The following TMEM248 variants were observed in gnomAD, a reference collection of about 807,000 sequenced individuals.
TMEM248 encodes the protein transmembrane protein 248.
TMEM248 carries 9 observed loss-of-function variants against 30.3 expected under a neutral mutation model. That is an observed-to-expected ratio of 0.30 (90% CI 0.18 to 0.52). The LOEUF (loss-of-function observed/expected upper bound fraction) is 0.52, where lower values mean the gene tolerates loss of function less well. Among genes scored for constraint, TMEM248 ranks in the 20% least tolerant of loss-of-function variants. The pLI is 0.97. For missense variants in TMEM248, 338 were observed against 403.3 expected (o/e 0.84, Z 1.39); for synonymous variants, 184 against 154.4 (o/e 1.19, Z -1.42).
chr7:66,937,588 G>T (rs555262919), intron 1 of TMEM248, among the ~76,000 whole-genome samples: 5 of 152,122 alleles, frequency 3.3e-5, no homozygotes, highest in Middle Eastern at 3.2e-3. Context: ...TGAATTGACC[G>T]TTTGACCTTC....
intron 1 of TMEM248, chr7:66,930,902 C>G (rs1317705279): frequency 6.6e-6 from 1 of 152,582 alleles, no homozygotes; most frequent in African/African-American, 2.4e-5. Context: ...AGCACAAGTC[C>G]GATGTATTTC....
chr7:66,929,923 G>A (rs1215611639), intron 1 of TMEM248, among the ~76,000 whole-genome samples: 1 of 152,160 alleles, frequency 6.6e-6, no homozygotes, highest in East Asian at 1.9e-4. Context: ...CATTTGGGAG[G>A]CTGACGCGGG....
chr7:66,941,197 A>G (rs1274240303), intron 1 of TMEM248, among the ~76,000 whole-genome samples: 6 of 152,122 alleles, frequency 3.9e-5, no homozygotes, highest in African/African-American at 1.4e-4. Context: ...CCTGGCCAAT[A>G]TGGTGAAACC....
intron 4 of TMEM248, 50 bp from the exon 5 acceptor site, chr7:66,950,902 A>G (rs769759740): frequency 3.5e-6 from 5 of 1,430,834 alleles, no homozygotes; most frequent in Non-Finnish European, 4.6e-6. Context: ...ACACAAGTGA[A>G]TGACTCAGGC....
At chr7:66,953,629 G>A (rs1792325596) in intron 6 of TMEM248, among the ~76,000 whole-genome samples, 1 of 151,756 alleles carries the variant, frequency 6.6e-6, no homozygotes, top group South Asian at 2.1e-4. Context: ...TTTTGAGATG[G>A]AGTCTCGCTC....
chr7:66,927,672 G>T (rs551951872), intron 1 of TMEM248, among the ~76,000 whole-genome samples: 6 of 150,578 alleles, frequency 4.0e-5, no homozygotes, highest in African/African-American at 1.5e-4. Context: ...GTCCAGGCTG[G>T]TCTCGAACTC....
At chr7:66,933,984 A>C (rs1791736588) in intron 1 of TMEM248, among the ~76,000 whole-genome samples, 1 of 151,400 alleles carries the variant, frequency 6.6e-6, no homozygotes, top group Non-Finnish European at 1.5e-5. Flanking sequence ...TTTCCTAAAC[A>C]GAACTTAATT....
chr7:66,953,322 A>G lies in TMEM248; in HGVS notation c.877A>G (p.Arg293Gly). ...TMFCYAVIKG[R>G]PSKLRQSNPE... ...GTTTTGCTATGCTGTTATCAAGGGC[A>G]GACCTAGCAAATTGCGTCAGAGCAA... Residue 293 changes from arginine to glycine, a missense_variant, in exon 6 of 7, where the codon AGA becomes GGA. Arg to Gly is a moderately radical substitution (Grantham distance 125). Coordinates refer to ENST00000341567, the MANE Select transcript of TMEM248 (RefSeq NM_017994.5). 6.2e-7 allele frequency: 1 copy of G among 1,614,222 alleles called. No homozygotes were observed. Among genetic ancestry groups the G allele is most frequent in the South Asian group, 1.1e-5 (1 of 91,080 alleles).
In TMEM248 at chr7:66,955,728, C is replaced by T. The variant is rs149129376; in HGVS notation, c.*206C>T. On this transcript the variant is annotated 3_prime_UTR_variant, in exon 7 of 7. Coordinates refer to ENST00000341567, the MANE Select transcript of TMEM248 (RefSeq NM_017994.5). ...TGGTCCAATAATGCACGTGCTTTGC[C>T]CTGGGTACAGCCAGAGCCCTTCAAC... 3.3e-5 allele frequency: 21 copies of T among 628,840 alleles called. No homozygotes were observed. Among genetic ancestry groups the T allele is most frequent in the African/African-American group, 3.0e-4 (16 of 53,206 alleles). The allele number at this position is 628,840 out of a possible 1,614,324, so 39.0% of individuals were successfully genotyped here. A position where few individuals can be genotyped will look rare whatever the true frequency, so the allele number is the denominator to read the frequency against.
At chr7:66,931,460 T>C (rs922863209) in intron 1 of TMEM248, among the ~76,000 whole-genome samples, 2 of 152,072 alleles carry the variant, frequency 1.3e-5, no homozygotes, top group African/African-American at 4.8e-5. Flanking sequence ...ACTTTTTTTC[T>C]GATAAAATGT....
intron 3 of TMEM248, among the ~76,000 whole-genome samples, chr7:66,947,802 C>T (rs966827494): frequency 2.7e-5 from 4 of 150,766 alleles, no homozygotes; most frequent in Non-Finnish European, 5.9e-5. Context: ...CTTGATCTGT[C>T]GCCAGGCTAG....
intron 4 of TMEM248, among the ~76,000 whole-genome samples, chr7:66,950,489 G>A (rs1467440611): frequency 1.3e-5 from 2 of 152,168 alleles, no homozygotes; most frequent in Non-Finnish European, 2.9e-5. Flanking sequence ...CGCCATGCTT[G>A]TAAGTTTCCT....
intron 3 of TMEM248, among the ~76,000 whole-genome samples, chr7:66,947,793 T>A (rs1020485557): frequency 6.6e-6 from 1 of 152,168 alleles, no homozygotes; most frequent in Non-Finnish European, 1.5e-5. Flanking sequence ...AGACTGGGTC[T>A]TGATCTGTCG....
intron 6 of TMEM248, among the ~76,000 whole-genome samples, chr7:66,954,396 T>A (rs190825486): frequency 3.2e-4 from 48 of 149,160 alleles, no homozygotes; most frequent in Non-Finnish European, 5.5e-4. Context: ...TTTTTTTTTT[T>A]TTTTTTTGAG....
At chr7:66,948,303 G>T (rs943647127) in intron 3 of TMEM248, among the ~76,000 whole-genome samples, 9 of 152,180 alleles carry the variant, frequency 5.9e-5, no homozygotes, top group African/African-American at 2.2e-4. Flanking sequence ...CCGAGGTCTG[G>T]TTTGGCATCT....
chr7:66,953,946 T>C (rs1443046341), intron 6 of TMEM248, among the ~76,000 whole-genome samples: 1 of 142,070 alleles, frequency 7.0e-6, no homozygotes, highest in African/African-American at 2.6e-5. Context: ...TTTCTTTTTT[T>C]TTTTTTTTTT....
At chr7:66,945,958 C>T (rs919820598) in intron 3 of TMEM248, among the ~76,000 whole-genome samples, 1 of 152,140 alleles carries the variant, frequency 6.6e-6, no homozygotes, top group Non-Finnish European at 1.5e-5. Flanking sequence ...GTGGCAGGCA[C>T]CTGTAGTCCC....
intron 1 of TMEM248, among the ~76,000 whole-genome samples, chr7:66,925,331 A>G (rs1791495677): frequency 6.6e-6 from 1 of 152,210 alleles, no homozygotes; most frequent in African/African-American, 2.4e-5. Flanking sequence ...TGTATTAACT[A>G]TATTTACCAC....
intron 1 of TMEM248, among the ~76,000 whole-genome samples, chr7:66,937,946 G>A (rs1045057128): frequency 7.9e-5 from 12 of 152,058 alleles, no homozygotes; most frequent in Non-Finnish European, 7.4e-5. Context: ...GGCTGGTCTC[G>A]AACTCCTGAC....
Sources: allele counts gnomAD v4.1 joint callset (sites outside exome capture counted in the v4.1 genomes callset), GRCh38; gene constraint gnomAD v4.1.1; transcripts MANE v1.5; gene names NCBI Gene and HGNC (gene_info 2026-07-23, HGNC 2026-07-21).